Variants in DLGAP2 observed in about 807,000 individuals in gnomAD.
DLGAP2 encodes the protein DLG associated protein 2, also known as disks large-associated protein 2.
A neutral mutation model predicts 100.3 loss-of-function variants in DLGAP2; 26 were observed. The ratio of observed to expected loss-of-function variants is 0.26; its 90% CI spans 0.19 to 0.36. The LOEUF is 0.36. Ranked by LOEUF, DLGAP2 falls within the 10% of genes least tolerant of loss-of-function variation. The probability of loss-of-function intolerance (pLI) is 1.00; values close to 1 mark genes in which losing one functional copy is unlikely to be tolerated. For synonymous variants in DLGAP2, 886 were observed against 630.1 expected (o/e 1.41, Z -6.08); for missense variants, 1,858 against 1,453.2 (o/e 1.28, Z -4.53).
At chr8:1,192,829 C>T (rs997795867) in intron 2 of DLGAP2, among the ~76,000 whole-genome samples, 3 of 151,954 alleles carry the variant, frequency 2.0e-5, no homozygotes, top group Non-Finnish European at 2.9e-5. Flanking sequence ...CCACTCCCCC[C>T]ACCCCACAAC....
intron 1 of DLGAP2, among the ~76,000 whole-genome samples, chr8:870,913 G>A (rs905861511): frequency 6.6e-6 from 1 of 152,172 alleles, no homozygotes; most frequent in African/African-American, 2.4e-5. Flanking sequence ...GCAGGTCTCT[G>A]TGACCATCCT....
chr8:1,558,054 A>T (rs1386642182), intron 5 of DLGAP2, among the ~76,000 whole-genome samples: 1 of 152,030 alleles, frequency 6.6e-6, no homozygotes, highest in East Asian at 1.9e-4. Flanking sequence ...ATTGGCTGGC[A>T]CCTCCTGGCA....
In DLGAP2 at chr8:1,269,357, C is replaced by T. The variant is rs181034223; in HGVS notation, c.106+10474C>T. Among the ~76,000 whole-genome samples the T allele has an allele frequency of 4.6e-5, 7 of 152,310 alleles. No homozygotes were observed. In the East Asian group the frequency reaches 1.4e-3, roughly 29 times the overall value. ...AGGATGGGACCTGCTGGAAAGACCG[C>T]CCCGTGTGGCACGGCGTGGCTCTGT... is the stretch of plus-strand genomic sequence containing the variant. On this transcript the variant is annotated intron_variant, in intron 3 of 14. Coordinates refer to ENST00000637795, the MANE Select transcript of DLGAP2 (RefSeq NM_001346810.2).
chr8:1,408,459 G>A (rs927983957), intron 3 of DLGAP2, among the ~76,000 whole-genome samples: 9 of 152,174 alleles, frequency 5.9e-5, no homozygotes, highest in African/African-American at 1.7e-4. Flanking sequence ...CTGGGGCACC[G>A]TGTCAAGTCC....
intron 2 of DLGAP2, among the ~76,000 whole-genome samples, chr8:963,096 C>T (rs902446357): frequency 3.3e-5 from 5 of 152,162 alleles, no homozygotes; most frequent in Admixed American, 3.3e-4. Flanking sequence ...GCACCAGTGA[C>T]ATCAGCATGA....
At chr8:1,581,034 A>G (rs1297877449) in intron 6 of DLGAP2, among the ~76,000 whole-genome samples, 2 of 150,866 alleles carry the variant, frequency 1.3e-5, no homozygotes, top group Admixed American at 6.6e-5. Flanking sequence ...ACCACAGTCA[A>G]ACTACCAGAA....
intron 1 of DLGAP2, among the ~76,000 whole-genome samples, chr8:773,645 A>G (rs912672266): frequency 2.0e-4 from 30 of 151,474 alleles, no homozygotes; most frequent in East Asian, 1.2e-3. Flanking sequence ...ATGATTTCCA[A>G]TTTCATCCAT....
At position 838,228 on chromosome 8, in the gene DLGAP2, A is replaced by T. The variant is rs1328649275; in HGVS notation, c.19-69684A>T. Among the ~76,000 whole-genome samples the T allele has an allele frequency of 3.9e-5, 6 of 152,096 alleles. No individual in the cohort carries two copies. In the East Asian group the frequency reaches 1.2e-3, roughly 29 times the overall value. On this transcript the variant is annotated intron_variant, in intron 1 of 14. Coordinates refer to ENST00000637795, the MANE Select transcript of DLGAP2 (RefSeq NM_001346810.2). ...CTCCCTTTGTTCCTTTTAAGTTCTT[A>T]ATGTTTTTAAAATGAAAAGTGGTCA...
Position 1,549,138 on chromosome 8 carries a change from A to G in DLGAP2, c.685A>G (p.Ile229Val). The G allele has an allele frequency of 6.3e-7, 1 of 1,592,092 alleles. No individual in the cohort carries two copies. The highest frequency in any genetic ancestry group is 8.5e-7 in the Non-Finnish European group (1 of 1,171,106). The change falls in exon 5 of 15, where the codon ATC (isoleucine) becomes GTC (valine). Residue 229 changes from isoleucine (I) to valine (V), a missense_variant. By Grantham distance (29) the Ile-to-Val change is conservative. Transcript: ENST00000637795. ...AEQRSESPGR[I>V]RHLVHSVQKL... Reference sequence around the variant, plus strand: ...GCAGCGCAGCGAGAGCCCCGGGCGGATCCGCCACCTGGTACACTCCGTGCA... The same window carrying G: ...GCAGCGCAGCGAGAGCCCCGGGCGGGTCCGCCACCTGGTACACTCCGTGCA...
chr8:1,221,585 G>A (rs1001311591), intron 2 of DLGAP2, among the ~76,000 whole-genome samples: 21 of 151,822 alleles, frequency 1.4e-4, no homozygotes, highest in Admixed American at 1.3e-4. Context: ...GGGGATTGTC[G>A]TCTTGTATAT....
intron 1 of DLGAP2, among the ~76,000 whole-genome samples, chr8:776,440 G>A (rs1156316659): frequency 6.6e-6 from 1 of 152,112 alleles, no homozygotes; most frequent in Admixed American, 6.5e-5. Context: ...GAATTGTGAT[G>A]TTAGGGTGTC....
At chr8:878,422 G>A (rs992114276) in intron 1 of DLGAP2, among the ~76,000 whole-genome samples, 1 of 152,162 alleles carries the variant, frequency 6.6e-6, no homozygotes, top group African/African-American at 2.4e-5. Context: ...AGGTGGTGGT[G>A]GGGTTGTGGG....
chr8:1,464,251 C>CAACACCCTTCCA (rs1798547586), intron 3 of DLGAP2, among the ~76,000 whole-genome samples: 7 of 105,628 alleles, frequency 6.6e-5, no homozygotes, highest in Admixed American at 9.0e-5. Flanking sequence ...CCTTCCAGGA[C>CAACACCCTTCCA]GGCTCCCTTC....
intron 2 of DLGAP2, among the ~76,000 whole-genome samples, chr8:955,254 C>G (rs938416357): frequency 1.3e-5 from 2 of 152,144 alleles, no homozygotes; most frequent in African/African-American, 2.4e-5. Flanking sequence ...ACATTTGCCT[C>G]TTCACCTCAC....
chr8:1,184,906 C>T (rs550097460), intron 2 of DLGAP2, among the ~76,000 whole-genome samples: 1 of 152,190 alleles, frequency 6.6e-6, no homozygotes, highest in African/African-American at 2.4e-5. Flanking sequence ...GCAAAGGTGA[C>T]TCACTTGCCC....
chr8:875,464 G>A (rs1478944631), intron 1 of DLGAP2, among the ~76,000 whole-genome samples: 1 of 152,118 alleles, frequency 6.6e-6, no homozygotes, highest in Non-Finnish European at 1.5e-5. Flanking sequence ...ATGAGATCTG[G>A]TGATTTCATA....
rs7003366 is a variant in DLGAP2 at position 981,554 on chromosome 8, G to C, written c.73+73588G>C. 9.9e-3 allele frequency among the ~76,000 whole-genome samples: 1,508 copies of C among 152,154 alleles called. 25 individuals are homozygous for C. Among genetic ancestry groups the C allele is most frequent in the African/African-American group, 0.034 (1,412 of 41,508 alleles). On this transcript the variant is annotated intron_variant, in intron 2 of 14. Transcript: ENST00000637795. ...TTACATTTTACCAGCAGCGTACGAG[G>C]GTTCCAGTTTCTCTGCATCCTCTCC...
At chr8:901,815 T>C (rs993332414) in intron 1 of DLGAP2, among the ~76,000 whole-genome samples, 2 of 152,228 alleles carry the variant, frequency 1.3e-5, no homozygotes, top group Non-Finnish European at 1.5e-5. Context: ...AAGCATCTCG[T>C]ACGTTGCCAG....
chr8:1,275,712 G>C (rs1799669022), intron 3 of DLGAP2, among the ~76,000 whole-genome samples: 1 of 87,428 alleles, frequency 1.1e-5, no homozygotes, highest in Non-Finnish European at 2.3e-5. Flanking sequence ...AGAGCTAATA[G>C]GACATATATA....
Sources: gnomAD v4.1 joint callset for allele counts (sites outside exome capture counted in the v4.1 genomes callset) on GRCh38, gnomAD v4.1.1 for gene constraint, MANE v1.5 for transcripts, NCBI Gene and HGNC (gene_info 2026-07-23, HGNC 2026-07-21) for gene names.